The following GRM8 variants were observed in gnomAD, a reference collection of about 807,000 sequenced individuals.
GRM8 encodes the protein metabotropic glutamate receptor 8.
In GRM8, 47 loss-of-function variants were observed where a neutral mutation model predicts 87.2. That is an observed-to-expected ratio of 0.54 (90% confidence interval 0.43 to 0.69). The LOEUF is 0.69. Among genes scored for constraint, GRM8 ranks in the 30% least tolerant of loss-of-function variants. GRM8 has a pLI of 0.00. For missense variants in GRM8, 1,019 were observed against 1,139.2 expected (o/e 0.89, Z 1.52); for synonymous variants, 396 against 404.5 (o/e 0.98, Z 0.25).
intron 2 of GRM8, among the ~76,000 whole-genome samples, chr7:127,137,697 A>G (rs1828020577): frequency 6.6e-6 from 1 of 151,970 alleles, no homozygotes; most frequent in Admixed American, 6.6e-5. Flanking sequence ...CCTTTCCAAA[A>G]TTTAATTTGC....
intron 3 of GRM8, among the ~76,000 whole-genome samples, chr7:126,922,682 T>A (rs1216936831): frequency 6.6e-6 from 1 of 152,108 alleles, no homozygotes; most frequent in African/African-American, 2.4e-5. Context: ...CACCCAAATC[T>A]CATATTGAAA....
chr7:126,884,332 A>G (rs1288582973), intron 6 of GRM8, among the ~76,000 whole-genome samples: 1 of 152,196 alleles, frequency 6.6e-6, no homozygotes, highest in Non-Finnish European at 1.5e-5. Flanking sequence ...GATCAATTGC[A>G]TAAACCTTTG....
intron 7 of GRM8, among the ~76,000 whole-genome samples, chr7:126,754,107 T>C (rs555596298): frequency 2.0e-5 from 3 of 152,008 alleles, no homozygotes; most frequent in South Asian, 2.1e-4. Context: ...TCAGGTATTA[T>C]TATTTCAAGG....
intron 6 of GRM8, among the ~76,000 whole-genome samples, chr7:126,837,602 A>T (rs1795921687): frequency 6.6e-6 from 1 of 152,218 alleles, no homozygotes; most frequent in Non-Finnish European, 1.5e-5. Context: ...AGGTGAGGAG[A>T]TCTATGTCTA....
chr7:127,223,273 GC>G (rs1054185512), intron 2 of GRM8, among the ~76,000 whole-genome samples: 1 of 151,930 alleles, frequency 6.6e-6, no homozygotes, highest in Non-Finnish European at 1.5e-5. Flanking sequence ...TGAAAAGCCA[GC>G]AACCTGGAAA....
intron 2 of GRM8, among the ~76,000 whole-genome samples, chr7:127,163,666 A>C (rs1793263226): frequency 6.6e-6 from 1 of 152,172 alleles, no homozygotes; most frequent in Non-Finnish European, 1.5e-5. Flanking sequence ...GTATTTAGGG[A>C]CAAAGTGATA....
chr7:126,543,062 A>G lies in GRM8; in HGVS notation c.1495-9175T>C, dbSNP rs77289091. Among the ~76,000 whole-genome samples, 885 of 152,262 alleles carry G rather than the reference A, an allele frequency of 5.8e-3. 10 individuals carry two copies. The highest frequency in any genetic ancestry group is 0.02 in the African/African-American group (839 of 41,538). ...TCCACTGCATACATAAATCCAATAAACCAGCCTACATGGACATCTATGCAT... is the reference window on the plus strand; with the variant it reads ...TCCACTGCATACATAAATCCAATAAGCCAGCCTACATGGACATCTATGCAT... On this transcript the variant is annotated intron_variant, in intron 8 of 10. Coordinates refer to ENST00000339582, the MANE Select transcript of GRM8 (RefSeq NM_000845.3).
Position 126,944,816 on chromosome 7 carries a change from A to G in GRM8, c.728-40133T>C, listed in dbSNP as rs182284464. On this transcript the variant is annotated intron_variant, in intron 3 of 10. Transcript: ENST00000339582. Reference sequence around the variant, plus strand: ...AAACAATCCCATATAAAAATGAACAAAGGATATATATTAATACTTCACTAG... The same window carrying G: ...AAACAATCCCATATAAAAATGAACAGAGGATATATATTAATACTTCACTAG... Among the ~76,000 whole-genome samples, 3 of 152,364 alleles carry G rather than the reference A, an allele frequency of 2.0e-5. No homozygotes were observed. The East Asian group carries it at 5.8e-4, about 29-fold the overall frequency.
intron 9 of GRM8, among the ~76,000 whole-genome samples, chr7:126,531,127 T>C (rs1814754510): frequency 6.6e-6 from 1 of 152,226 alleles, no homozygotes; most frequent in Non-Finnish European, 1.5e-5. Flanking sequence ...CAAAATTTTA[T>C]AATGTGAAGT....
intron 7 of GRM8, among the ~76,000 whole-genome samples, chr7:126,616,888 C>A (rs1025757128): frequency 6.6e-6 from 1 of 152,122 alleles, no homozygotes; most frequent in Non-Finnish European, 1.5e-5. Flanking sequence ...TAATTAATAG[C>A]CTACCAACCA....
At chr7:127,137,373 A>G (rs1195124719) in intron 2 of GRM8, among the ~76,000 whole-genome samples, 3 of 152,106 alleles carry the variant, frequency 2.0e-5, no homozygotes, top group Non-Finnish European at 2.9e-5. Flanking sequence ...ACCTCACTAC[A>G]TTATGGGCCA....
intron 7 of GRM8, among the ~76,000 whole-genome samples, chr7:126,674,560 C>G (rs1806731389): frequency 6.6e-6 from 1 of 152,046 alleles, no homozygotes. Flanking sequence ...TAATTAGTTG[C>G]AGGTCTTGGC....
intron 7 of GRM8, among the ~76,000 whole-genome samples, chr7:126,751,654 T>G (rs1343740698): frequency 6.6e-6 from 1 of 152,184 alleles, no homozygotes; most frequent in East Asian, 1.9e-4. Context: ...ACCATTGCAC[T>G]TTATTACTAG....
chr7:126,623,601 A>G (rs1263944099), intron 7 of GRM8, among the ~76,000 whole-genome samples: 2 of 152,178 alleles, frequency 1.3e-5, no homozygotes, highest in African/African-American at 2.4e-5. Flanking sequence ...CTGGGGATGA[A>G]GGCCCACTGC....
intron 7 of GRM8, among the ~76,000 whole-genome samples, chr7:126,634,317 T>C (rs189322477): frequency 6.1e-4 from 93 of 152,294 alleles, no homozygotes; most frequent in Admixed American, 2.2e-3. Flanking sequence ...ATTGAAGTCC[T>C]GCAGTGCCAC....
intron 2 of GRM8, among the ~76,000 whole-genome samples, chr7:127,129,988 T>G (rs1431655648): frequency 1.3e-5 from 2 of 152,078 alleles, no homozygotes; most frequent in African/African-American, 2.4e-5. Flanking sequence ...GGGAGGTGAT[T>G]GAATCATGGG....
At chr7:126,729,150 C>T (rs1282519301) in intron 7 of GRM8, among the ~76,000 whole-genome samples, 4 of 152,132 alleles carry the variant, frequency 2.6e-5, no homozygotes, top group Non-Finnish European at 5.9e-5. Flanking sequence ...AGCTATTCAC[C>T]CTCCCTTTGC....
chr7:127,072,256 C>G (rs1048286124), intron 3 of GRM8, among the ~76,000 whole-genome samples: 2 of 152,168 alleles, frequency 1.3e-5, no homozygotes, highest in Non-Finnish European at 2.9e-5. Flanking sequence ...TTGAGGGTGT[C>G]AGAAGCTCTC....
chr7:127,102,488 G>A (rs1825380521), intron 3 of GRM8, among the ~76,000 whole-genome samples: 1 of 152,184 alleles, frequency 6.6e-6, no homozygotes, highest in South Asian at 2.1e-4. Flanking sequence ...GGGCCCCACT[G>A]CCCTGTGCAG....
Sources: gnomAD v4.1 joint callset for allele counts (sites outside exome capture counted in the v4.1 genomes callset) on GRCh38, gnomAD v4.1.1 for gene constraint, MANE v1.5 for transcripts, NCBI Gene and HGNC (gene_info 2026-07-23, HGNC 2026-07-21) for gene names.